Variants in COL14A1 observed in about 807,000 individuals in gnomAD.
The protein encoded by COL14A1 is collagen alpha-1(XIV) chain.
A neutral mutation model predicts 230.3 loss-of-function variants in COL14A1; 136 were observed. The observed-to-expected ratio is 0.59, with a 90% CI of 0.51 to 0.68. The LOEUF (loss-of-function observed/expected upper bound fraction) is 0.68. Among genes scored for constraint, COL14A1 ranks in the 30% least tolerant of loss-of-function variants. The pLI is 0.00. For synonymous variants in COL14A1, 792 were observed against 784.1 expected (o/e 1.01, Z -0.17); for missense variants, 1,976 against 2,215.8 (o/e 0.89, Z 2.17).
chr8:120,338,885 A>G (rs937834015), intron 42 of COL14A1, among the ~76,000 whole-genome samples: 1 of 152,196 alleles, frequency 6.6e-6, no homozygotes. Flanking sequence ...TGGTCCTTCC[A>G]GTAAACACTA....
chr8:120,273,450 G>A (rs865850651), intron 26 of COL14A1, among the ~76,000 whole-genome samples: 1 of 151,324 alleles, frequency 6.6e-6, no homozygotes, highest in Non-Finnish European at 1.5e-5. Context: ...AATCAGAGCA[G>A]AACTAAATGA....
chr8:120,310,930 C>T (rs1351130115), intron 37 of COL14A1, among the ~76,000 whole-genome samples: 3 of 152,158 alleles, frequency 2.0e-5, no homozygotes, highest in Non-Finnish European at 4.4e-5. Context: ...CACATGTTCT[C>T]CTCTCCATCC....
chr8:120,334,839 A>G (rs528747732), intron 42 of COL14A1, among the ~76,000 whole-genome samples: 1 of 152,326 alleles, frequency 6.6e-6, no homozygotes, highest in African/African-American at 2.4e-5. Context: ...TAGTTGTGTA[A>G]GCCACATGCA....
At chr8:120,195,605 G>A (rs1418490391) in intron 5 of COL14A1, among the ~76,000 whole-genome samples, 4 of 152,170 alleles carry the variant, frequency 2.6e-5, no homozygotes, top group Non-Finnish European at 5.9e-5. Flanking sequence ...GGCTGGGGAG[G>A]CTTCACAATC....
At chr8:120,211,119 A>G (rs946769556) in intron 12 of COL14A1, among the ~76,000 whole-genome samples, 2 of 152,184 alleles carry the variant, frequency 1.3e-5, no homozygotes, top group Non-Finnish European at 2.9e-5. Flanking sequence ...TTTGGAGGAT[A>G]TTTTGAAATA....
chr8:120,304,484 T>G (rs1272285948), intron 36 of COL14A1, among the ~76,000 whole-genome samples: 2 of 152,176 alleles, frequency 1.3e-5, no homozygotes, highest in Non-Finnish European at 2.9e-5. Context: ...TGACCCTGCT[T>G]AATTTTAATT....
intron 37 of COL14A1, among the ~76,000 whole-genome samples, chr8:120,312,970 A>G (rs577072307): frequency 6.6e-6 from 1 of 152,326 alleles, no homozygotes; most frequent in South Asian, 2.1e-4. Context: ...TATTTCTTAC[A>G]TGGTTTAGTT....
intron 45 of COL14A1, among the ~76,000 whole-genome samples, chr8:120,348,083 G>A (rs1363202059): frequency 3.3e-5 from 5 of 151,746 alleles, no homozygotes; most frequent in Non-Finnish European, 5.9e-5. Flanking sequence ...GCATATGCAT[G>A]TTTATAGCAG....
intron 47 of COL14A1, chr8:120,370,704 C>T: frequency 1.4e-6 from 2 of 1,414,766 alleles, no homozygotes; most frequent in Non-Finnish European, 1.9e-6. Context: ...AGTTACTTAA[C>T]TGTGCCTCTT....
At chr8:120,173,077 A>G (rs1308422531) in intron 5 of COL14A1, among the ~76,000 whole-genome samples, 1 of 152,158 alleles carries the variant, frequency 6.6e-6, no homozygotes, top group African/African-American at 2.4e-5. Flanking sequence ...ATGTTTCTCA[A>G]ATGGTAATTT....
At chr8:120,341,240 T>C in intron 42 of COL14A1, 85 bp from the exon 43 acceptor site, 1 of 1,380,540 alleles carries the variant, frequency 7.2e-7, no homozygotes, top group Non-Finnish European at 1.0e-6. Context: ...GAAAAATGTC[T>C]TAATAAAATA....
At chr8:120,148,211 C>T (rs2130469342) in intron 2 of COL14A1, among the ~76,000 whole-genome samples, 1 of 149,350 alleles carries the variant, frequency 6.7e-6, no homozygotes, top group Middle Eastern at 3.4e-3. Context: ...TGGCTCACTG[C>T]AACCTCTACC....
intron 45 of COL14A1, among the ~76,000 whole-genome samples, chr8:120,364,725 A>G (rs1213763643): frequency 6.6e-6 from 1 of 152,084 alleles, no homozygotes; most frequent in Non-Finnish European, 1.5e-5. Context: ...TCTACTAAAA[A>G]TATAAAAATT....
At chr8:120,311,781 A>C (rs1162311102) in intron 37 of COL14A1, among the ~76,000 whole-genome samples, 1 of 152,058 alleles carries the variant, frequency 6.6e-6, no homozygotes, top group Non-Finnish European at 1.5e-5. Flanking sequence ...CTTCTACTCT[A>C]TTTGCAATTT....
chr8:120,371,151 G>A lies in COL14A1; in HGVS notation c.5312-1G>A. ...TCCCCACCCCCACTTTTCCTCTTTA[G>A]CTCCCCATCCAGATCAGCCAGAGTT... On this transcript the variant is annotated splice_acceptor_variant, in intron 47 of 47. Coordinates refer to ENST00000297848, the MANE Select transcript of COL14A1 (RefSeq NM_021110.4). LOFTEE classifies it high-confidence loss of function. 2 of 1,605,540 alleles carry A rather than the reference G, an allele frequency of 1.2e-6. No individual in the cohort carries two copies. The highest frequency in any genetic ancestry group is 1.7e-6 in the Non-Finnish European group (2 of 1,176,948).
chr8:120,195,425 A>G (rs1375743237), intron 5 of COL14A1, among the ~76,000 whole-genome samples: 4 of 152,192 alleles, frequency 2.6e-5, no homozygotes, highest in Admixed American at 6.5e-5. Flanking sequence ...TAGTCCTAAC[A>G]TGAAAATTCA....
chr8:120,162,046 A>G (rs536401297), intron 3 of COL14A1, among the ~76,000 whole-genome samples: 1 of 152,336 alleles, frequency 6.6e-6, no homozygotes, highest in Non-Finnish European at 1.5e-5. Flanking sequence ...ATCTTGTACT[A>G]TGGCTTTTCC....
rs1818680087 is a variant in COL14A1, at chr8:120,243,776, C to G, written c.2350-103C>G. ...TTTTCTCCTCACTCTCAAAGCACAT[C>G]TCTTTTCTTTTGATTATTTCAAAAT... On this transcript the variant is annotated intron_variant, in intron 19 of 47. Transcript: ENST00000297848. 2.2e-6 allele frequency: 3 copies of G among 1,354,490 alleles called. No homozygotes were observed. The African/African-American group carries it at 4.4e-5, about 20-fold the overall frequency. The allele number at this position is 1,354,490 out of a possible 1,614,324, so 83.9% of individuals were successfully genotyped here.
chr8:120,146,316 C>A (rs183724892), intron 1 of COL14A1, among the ~76,000 whole-genome samples: 1 of 152,144 alleles, frequency 6.6e-6, no homozygotes, highest in African/African-American at 2.4e-5. Context: ...AGCTATGCAT[C>A]TCCTGAAAAA....
Sources: gnomAD v4.1 joint callset for allele counts (sites outside exome capture counted in the v4.1 genomes callset) on GRCh38, gnomAD v4.1.1 for gene constraint, MANE v1.5 for transcripts, NCBI Gene and HGNC (gene_info 2026-07-23, HGNC 2026-07-21) for gene names.